The following KIF13A variants were observed in gnomAD, a reference collection of about 807,000 sequenced individuals.
KIF13A encodes kinesin family member 13A.
In KIF13A, 79 loss-of-function variants were observed where a neutral mutation model predicts 212.2. That is an observed-to-expected ratio of 0.37 (90% confidence interval 0.31 to 0.45). KIF13A has a LOEUF of 0.45. Ranked by LOEUF, KIF13A falls within the 20% of genes least tolerant of loss-of-function variation. The pLI is 1.00. For missense variants in KIF13A, 1,901 were observed against 2,209.0 expected, an observed-to-expected ratio of 0.86 and a Z score of 2.79; for synonymous variants, 789 against 808.6, an observed-to-expected ratio of 0.98 and a Z score of 0.41.
intron 22 of KIF13A, among the ~76,000 whole-genome samples, chr6:17,797,186 C>T (rs1481700870): frequency 2.6e-5 from 4 of 152,046 alleles, no homozygotes; most frequent in Admixed American, 6.6e-5. Flanking sequence ...CTCGCCACCA[C>T]GCCCGGCTAT....
chr6:17,975,594 G>A (rs1271839468), intron 2 of KIF13A, among the ~76,000 whole-genome samples: 1 of 152,150 alleles, frequency 6.6e-6, no homozygotes, highest in Non-Finnish European at 1.5e-5. Flanking sequence ...AGTTACTGCC[G>A]CTAGTTCGGG....
rs1759995698 is a variant in KIF13A, at chr6:17,776,512, A to G, written c.4170+765T>C. Among the ~76,000 whole-genome samples, 1 of 152,212 alleles carries G rather than the reference A, an allele frequency of 6.6e-6. No individual in the cohort carries two copies. The highest frequency in any genetic ancestry group is 2.1e-4 in the South Asian group (1 of 4,836). On this transcript the variant is annotated intron_variant, in intron 34 of 38. Coordinates refer to ENST00000259711, the MANE Select transcript of KIF13A (RefSeq NM_022113.6). This position sits in a 1 kb window ranked among gnomAD's most constrained non-coding sequence, Gnocchi z 4.6. ...AGTCTCTCTTATCTATTTCTAATAA[A>G]TGCATTGTGGTCAGAAGAAGTAATC...
At chr6:17,913,013 C>T (rs1401731747) in intron 2 of KIF13A, among the ~76,000 whole-genome samples, 1 of 151,054 alleles carries the variant, frequency 6.6e-6, no homozygotes, top group Non-Finnish European at 1.5e-5. Context: ...TCTTGAACTC[C>T]TGGGTTCAAG....
At position 17,777,232 on chromosome 6, in the gene KIF13A, T is replaced by A. The variant is rs1760067768; in HGVS notation, c.4170+45A>T. ...TCCCACCTTCCCCCACCCCAGAGGCTGCGACATGTCACATAGGAGCAGATC... is the reference window on the plus strand; with the variant it reads ...TCCCACCTTCCCCCACCCCAGAGGCAGCGACATGTCACATAGGAGCAGATC... On this transcript the variant is annotated intron_variant, in intron 34 of 38. Coordinates refer to ENST00000259711, the MANE Select transcript of KIF13A (RefSeq NM_022113.6). This position sits in a 1 kb window ranked among gnomAD's most constrained non-coding sequence, Gnocchi z 4.4. The A allele has an allele frequency of 2.7e-6, 4 of 1,488,338 alleles. No homozygotes were observed. Among genetic ancestry groups the A allele is most frequent in the Non-Finnish European group, 3.7e-6 (4 of 1,076,536 alleles). 92.2% of individuals were successfully genotyped at this position (1,488,338 alleles called of 1,614,324 possible).
At chr6:17,980,855 G>T (rs1251274110) in intron 2 of KIF13A, among the ~76,000 whole-genome samples, 2 of 152,114 alleles carry the variant, frequency 1.3e-5, no homozygotes, top group East Asian at 3.9e-4. Context: ...GGAGCAGGTG[G>T]GAAGAATTTG....
chr6:17,884,281 A>G (rs1771344610), intron 3 of KIF13A, among the ~76,000 whole-genome samples: 1 of 152,244 alleles, frequency 6.6e-6, no homozygotes, highest in African/African-American at 2.4e-5. Context: ...AATGCTTGGC[A>G]CACAGTGAAA....
rs557289396 is a variant in KIF13A, at chr6:17,895,491, G to A, written c.159+2677C>T. 1.3e-5 allele frequency among the ~76,000 whole-genome samples: 2 copies of A among 152,204 alleles called. No individual in the cohort carries two copies. Among genetic ancestry groups the A allele is most frequent in the Middle Eastern group, 3.4e-3 (1 of 294 alleles). ...ATTTCCTGGATCATACAAATGGCTTGGAACCACACAACAATCCATGTGATG... is the reference window on the plus strand; with the variant it reads ...ATTTCCTGGATCATACAAATGGCTTAGAACCACACAACAATCCATGTGATG... On this transcript the variant is annotated intron_variant, in intron 3 of 38. Transcript: ENST00000259711. This position sits in a 1 kb window ranked among gnomAD's most constrained non-coding sequence, Gnocchi z 4.4.
chr6:17,760,767 C>A (rs1758546264), downstream of KIF13A: 4 of 1,347,852 alleles, frequency 3.0e-6, no homozygotes, highest in Admixed American at 3.4e-5. Flanking sequence ...CAGGCGGCAG[C>A]ATGTTTTAGA....
intron 3 of KIF13A, among the ~76,000 whole-genome samples, chr6:17,894,973 T>C (rs1257479926): frequency 1.3e-5 from 2 of 152,170 alleles, no homozygotes; most frequent in African/African-American, 2.4e-5. Context: ...GAGTTATCAT[T>C]AACTCAACTG....
Position 17,963,565 on chromosome 6 carries a change from T to G in KIF13A, c.146+23489A>C, listed in dbSNP as rs1366558660. ...TTGTAGGATAGATTTGTTCTATATC[T>G]TTCTTTTTTTGAGACAGAGTCTTGC... On this transcript the variant is annotated intron_variant, in intron 2 of 38. Transcript: ENST00000259711. This position sits in a 1 kb window ranked among gnomAD's most constrained non-coding sequence, Gnocchi z 4.1. 2.0e-5 allele frequency among the ~76,000 whole-genome samples: 3 copies of G among 152,262 alleles called. No homozygotes were observed. Among genetic ancestry groups the G allele is most frequent in the African/African-American group, 7.2e-5 (3 of 41,474 alleles).
downstream of KIF13A, chr6:17,760,943 T>C (rs1265143270): frequency 3.9e-6 from 6 of 1,522,278 alleles, no homozygotes; most frequent in Admixed American, 6.9e-5. Flanking sequence ...CCACAGCACC[T>C]ACTCTCAGCC....
intron 4 of KIF13A, among the ~76,000 whole-genome samples, chr6:17,864,475 C>G (rs762414720): frequency 6.6e-6 from 1 of 152,126 alleles, no homozygotes; most frequent in Non-Finnish European, 1.5e-5. Context: ...AACCCTGAGT[C>G]ACATACGATA....
chr6:17,977,125 A>C (rs1471794933), intron 2 of KIF13A, among the ~76,000 whole-genome samples: 7 of 151,292 alleles, frequency 4.6e-5, no homozygotes, highest in East Asian at 3.9e-4. Context: ...AAAAAAAAAA[A>C]AAAAAAAAAA....
At position 17,868,892 on chromosome 6, in the gene KIF13A, G is replaced by T. The variant is rs374997335; in HGVS notation, c.220+4485C>A. Among the ~76,000 whole-genome samples, 89 of 149,010 alleles carry T rather than the reference G, an allele frequency of 6.0e-4. 1 individual carries two copies. In the East Asian group the frequency reaches 0.017, roughly 28 times the overall value. ...GTCTGTAATCCCAGCTACTCAGGAGGCTGAGGCAGGAGAATCGCTTGAACC... is the reference window on the plus strand; with the variant it reads ...GTCTGTAATCCCAGCTACTCAGGAGTCTGAGGCAGGAGAATCGCTTGAACC... On this transcript the variant is annotated intron_variant, in intron 4 of 38. Coordinates refer to ENST00000259711, the MANE Select transcript of KIF13A (RefSeq NM_022113.6).
chr6:17,986,718 G>A lies in KIF13A; in HGVS notation c.146+336C>T, dbSNP rs1243336336. ...CGTGGGCTGGTCACCTGCCCGCCTC[G>A]GGCCTCAGTTTTCCTGTCTGTAAAA... is the stretch of plus-strand genomic sequence containing the variant. On this transcript the variant is annotated intron_variant, in intron 2 of 38. Transcript: ENST00000259711. Among the ~76,000 whole-genome samples the A allele has an allele frequency of 2.0e-5, 3 of 152,164 alleles. No homozygotes were observed. In the East Asian group the frequency reaches 5.8e-4, roughly 29 times the overall value.
At chr6:17,975,651 T>C (rs781301432) in intron 2 of KIF13A, among the ~76,000 whole-genome samples, 2 of 152,196 alleles carry the variant, frequency 1.3e-5, no homozygotes, top group Non-Finnish European at 2.9e-5. Context: ...ATCCTGCTGA[T>C]TGGTAGAGCC....
intron 3 of KIF13A, among the ~76,000 whole-genome samples, chr6:17,877,319 T>C (rs937790849): frequency 3.3e-5 from 5 of 152,192 alleles, no homozygotes; most frequent in African/African-American, 7.2e-5. Flanking sequence ...TCTGGTTTTA[T>C]AATAACCAAG....
At chr6:17,798,386 AT>A (rs1762219686) in intron 22 of KIF13A, among the ~76,000 whole-genome samples, 1 of 152,242 alleles carries the variant, frequency 6.6e-6, no homozygotes, top group Non-Finnish European at 1.5e-5. Flanking sequence ...AATATTTAAA[AT>A]AATATTCAGA....
At chr6:17,836,173 G>A (rs1205578254) in intron 11 of KIF13A, among the ~76,000 whole-genome samples, 1 of 152,206 alleles carries the variant, frequency 6.6e-6, no homozygotes, top group Admixed American at 6.5e-5. Flanking sequence ...TTTGTTTCTT[G>A]TCAGGGCCTG....
Sources: gnomAD v4.1 joint callset for allele counts (sites outside exome capture counted in the v4.1 genomes callset) on GRCh38, gnomAD v4.1.1 for gene constraint, Gnocchi (gnomAD v3.1) non-coding constraint, MANE v1.5 for transcripts, NCBI Gene and HGNC (gene_info 2026-07-23, HGNC 2026-07-21) for gene names.